The following OTUD7B variants were observed in gnomAD, a reference collection of about 807,000 sequenced individuals.
OTUD7B encodes the protein OTU domain-containing protein 7B.
OTUD7B carries 34 observed loss-of-function variants against 82.2 expected under a neutral mutation model. The observed-to-expected ratio is 0.41, with a 90% CI of 0.31 to 0.55. The LOEUF is 0.55. Among genes scored for constraint, OTUD7B ranks in the 20% least tolerant of loss-of-function variants. OTUD7B has a pLI of 0.20. For synonymous variants in OTUD7B, 398 were observed against 402.7 expected, an observed-to-expected ratio of 0.99 and a Z score of 0.14; for missense variants, 944 against 1,062.1, an observed-to-expected ratio of 0.89 and a Z score of 1.55.
chr1:150,039,439 G>A, the OTUD7B span, among the ~76,000 whole-genome samples: 14 of 151,914 alleles, frequency 9.2e-5, no homozygotes, highest in Middle Eastern at 3.4e-3. Flanking sequence ...GTGCAGTGGC[G>A]CGATCTAGGC....
chr1:150,040,039 G>A, the OTUD7B span, among the ~76,000 whole-genome samples: 5 of 152,122 alleles, frequency 3.3e-5, no homozygotes, highest in Admixed American at 3.3e-4. Context: ...AGTTATAGCA[G>A]GCATTTTTTG....
At chr1:150,039,441 G>A in the OTUD7B span, among the ~76,000 whole-genome samples, 4 of 151,932 alleles carry the variant, frequency 2.6e-5, no homozygotes, top group Non-Finnish European at 5.9e-5. Context: ...GCAGTGGCGC[G>A]ATCTAGGCTC....
upstream of OTUD7B, among the ~76,000 whole-genome samples, chr1:150,015,290 C>CTTTCTT (rs370684965): frequency 7.8e-5 from 10 of 128,974 alleles, 2 homozygotes; most frequent in African/African-American, 3.1e-4. Context: ...TTTTCTTTCT[C>CTTTCTT]TTTTTTTTTT....
At chr1:149,952,772 G>A (rs1553773786) in intron 7 of OTUD7B, among the ~76,000 whole-genome samples, 2 of 152,148 alleles carry the variant, frequency 1.3e-5, no homozygotes, top group Non-Finnish European at 2.9e-5. Context: ...ATCTCATTGT[G>A]ATTTTGATTT....
the OTUD7B span, chr1:150,054,985 T>G: frequency 1.6e-5 from 5 of 322,232 alleles, no homozygotes; most frequent in East Asian, 4.4e-4. Context: ...CTACCTCTGA[T>G]CTGTGTTTGC....
upstream of OTUD7B, among the ~76,000 whole-genome samples, chr1:150,013,920 C>CAAA (rs1207073066): frequency 0.21 from 11,339 of 53,860 alleles, 1,932 homozygotes; most frequent in African/African-American, 0.26. Context: ...GACTCTGTCT[C>CAAA]AAAAAAAAAA....
intron 7 of OTUD7B, among the ~76,000 whole-genome samples, chr1:149,951,469 G>C (rs1553773457): frequency 6.6e-6 from 1 of 152,038 alleles, no homozygotes. Flanking sequence ...TTCATCCATG[G>C]CCCTTTCCTG....
chr1:149,994,767 T>C (rs1411426592), intron 1 of OTUD7B, among the ~76,000 whole-genome samples: 1 of 152,074 alleles, frequency 6.6e-6, no homozygotes, highest in Non-Finnish European at 1.5e-5. Context: ...AATGCCACCA[T>C]GCCTGGCTAA....
At chr1:150,026,168 A>G in the OTUD7B span, among the ~76,000 whole-genome samples, 2 of 152,250 alleles carry the variant, frequency 1.3e-5, no homozygotes, top group Admixed American at 6.5e-5. Context: ...TGGAAGGTGC[A>G]TACAATATTT....
At chr1:149,991,663 T>C (rs147265368) in intron 1 of OTUD7B, among the ~76,000 whole-genome samples, 1 of 152,284 alleles carries the variant, frequency 6.6e-6, no homozygotes, top group Non-Finnish European at 1.5e-5. Context: ...TTAAGTGACT[T>C]GTCCAAATTC....
At chr1:150,049,900 G>A in the OTUD7B span, among the ~76,000 whole-genome samples, 1 of 151,970 alleles carries the variant, frequency 6.6e-6, no homozygotes, top group Admixed American at 6.6e-5. Context: ...AAAAAAGAAA[G>A]GTTATTGTTT....
the OTUD7B span, among the ~76,000 whole-genome samples, chr1:150,060,915 C>CTTTTA: frequency 1.3e-5 from 2 of 151,948 alleles, no homozygotes; most frequent in African/African-American, 4.8e-5. Context: ...TATTTTTTCT[C>CTTTTA]TTTTCTTTTC....
intron 2 of OTUD7B, among the ~76,000 whole-genome samples, chr1:149,973,849 C>G (rs1167564327): frequency 8.2e-6 from 1 of 122,684 alleles, no homozygotes; most frequent in Non-Finnish European, 1.6e-5. Flanking sequence ...TCCTTTTATG[C>G]CCCTTCTAAT....
At chr1:150,003,022 G>A (rs112919463) in intron 1 of OTUD7B, among the ~76,000 whole-genome samples, 3,344 of 151,924 alleles carry the variant, frequency 0.022, 120 homozygotes, top group African/African-American at 0.076. Flanking sequence ...AGGCCGAGGC[G>A]GGCGGATCGC....
intron 2 of OTUD7B, among the ~76,000 whole-genome samples, chr1:149,974,168 C>T (rs1373574654): frequency 1.3e-5 from 2 of 152,078 alleles, no homozygotes; most frequent in Non-Finnish European, 2.9e-5. Flanking sequence ...TGGGTTCAGG[C>T]GATTCTCACG....
At position 149,985,736 on chromosome 1, in the gene OTUD7B, G is replaced by C. The variant is rs1002344875; in HGVS notation, c.-66-8160C>G. Among the ~76,000 whole-genome samples, 6 of 61,072 alleles carry C rather than the reference G, an allele frequency of 9.8e-5. No individual in the cohort carries two copies. In the South Asian group the frequency reaches 4.3e-3, roughly 43 times the overall value. The allele number at this position is 61,072 out of a possible 152,430, so 40.1% of individuals were successfully genotyped here. On this transcript the variant is annotated intron_variant, in intron 1 of 11. Transcript: ENST00000581312. Reference sequence around the variant, plus strand: ...GCACTCAGCCTGAGGGACACAGTGAGACCCTGTATGAAAAAAAAAAAAATC... The same window carrying C: ...GCACTCAGCCTGAGGGACACAGTGACACCCTGTATGAAAAAAAAAAAAATC...
intron 11 of OTUD7B, among the ~76,000 whole-genome samples, chr1:149,946,067 A>AT (rs1553772006): frequency 3.0e-5 from 4 of 134,346 alleles, no homozygotes; most frequent in African/African-American, 5.7e-5. Context: ...TCTCAAAGAA[A>AT]AATAATAATA....
rs2092750675 is a variant in OTUD7B at position 149,939,984 on chromosome 1, A to C, written c.*3873T>G. 1 of 152,186 alleles carries C rather than the reference A, an allele frequency of 6.6e-6. No homozygotes were observed. The highest frequency in any genetic ancestry group is 1.5e-5 in the Non-Finnish European group (1 of 68,030). The allele number at this position is 152,186 out of a possible 1,614,324, so 9.4% of individuals were successfully genotyped here. A position where few individuals can be genotyped will look rare whatever the true frequency, so the allele number is the denominator to read the frequency against. On this transcript the variant is annotated 3_prime_UTR_variant, in exon 12 of 12. Coordinates refer to ENST00000581312, the MANE Select transcript of OTUD7B (RefSeq NM_020205.4). ...GAAAAAGAAAGAAGACTCAGAGTCC[A>C]GAGGTGTCTGAGTAATTCAGAGACA...
At chr1:149,992,848 T>C (rs1651685149) in intron 1 of OTUD7B, among the ~76,000 whole-genome samples, 1 of 152,126 alleles carries the variant, frequency 6.6e-6, no homozygotes, top group East Asian at 1.9e-4. Context: ...ACTGTATTAC[T>C]TCTCCTTAGC....
Sources: allele counts gnomAD v4.1 joint callset (sites outside exome capture counted in the v4.1 genomes callset), GRCh38; gene constraint gnomAD v4.1.1; transcripts MANE v1.5; gene names NCBI Gene and HGNC (gene_info 2026-07-23, HGNC 2026-07-21).